DOK5: variants seen among roughly 807,000 people sequenced by gnomAD.
DOK5 encodes the protein downstream of tyrosine kinase 5.
Under a neutral mutation model 43.3 loss-of-function variants are expected in DOK5, and 27 were observed. That is an observed-to-expected ratio of 0.62 (90% CI 0.46 to 0.86). The LOEUF (loss-of-function observed/expected upper bound fraction) is 0.86. Among genes scored for constraint, DOK5 ranks in the 40% least tolerant of loss-of-function variants. The pLI, the probability that DOK5 is intolerant of heterozygous loss-of-function variation, is 0.00. For synonymous variants in DOK5, 146 were observed against 140.1 expected (o/e 1.04, Z -0.30); for missense variants, 373 against 392.9 (o/e 0.95, Z 0.43).
intron 6 of DOK5, among the ~76,000 whole-genome samples, chr20:54,617,630 G>A (rs1986856225): frequency 6.6e-6 from 1 of 152,162 alleles, no homozygotes; most frequent in Non-Finnish European, 1.5e-5. Context: ...CAGCCAGTCT[G>A]TTGACTAAAA....
intron 7 of DOK5, among the ~76,000 whole-genome samples, chr20:54,649,401 G>GA (rs905678980): frequency 1.3e-5 from 2 of 151,356 alleles, no homozygotes; most frequent in Admixed American, 6.6e-5. Context: ...CAGCCGGGGC[G>GA]AAAAAAAATA....
chr20:54,633,672 G>A (rs570119508), intron 6 of DOK5, among the ~76,000 whole-genome samples: 30 of 152,286 alleles, frequency 2.0e-4, no homozygotes, highest in Non-Finnish European at 3.4e-4. Flanking sequence ...ATTACAATAC[G>A]ATTTGCATAT....
chr20:54,599,737 ATTACT>A (rs1179673013), intron 5 of DOK5, among the ~76,000 whole-genome samples: 1 of 152,156 alleles, frequency 6.6e-6, no homozygotes, highest in Non-Finnish European at 1.5e-5. Context: ...GGTGTTTGTG[ATTACT>A]TTATATGAGA....
At chr20:54,505,224 T>C (rs921961995) in intron 1 of DOK5, among the ~76,000 whole-genome samples, 13 of 152,154 alleles carry the variant, frequency 8.5e-5, no homozygotes, top group African/African-American at 2.2e-4. Flanking sequence ...TGGTAAATTA[T>C]GATCCAAAGG....
At chr20:54,561,998 C>T (rs772063244) in intron 2 of DOK5, among the ~76,000 whole-genome samples, 3 of 152,160 alleles carry the variant, frequency 2.0e-5, no homozygotes, top group Non-Finnish European at 2.9e-5. Flanking sequence ...CTTGTGTGCA[C>T]CAGAGTCCTA....
At chr20:54,586,501 G>A (rs1008035766) in intron 2 of DOK5, among the ~76,000 whole-genome samples, 1 of 152,214 alleles carries the variant, frequency 6.6e-6, no homozygotes, top group African/African-American at 2.4e-5. Context: ...TTCTCAATAT[G>A]TGAGGGGTTC....
chr20:54,584,746 T>C (rs181962494), intron 2 of DOK5, among the ~76,000 whole-genome samples: 1 of 146,892 alleles, frequency 6.8e-6, no homozygotes, highest in Non-Finnish European at 1.5e-5. Context: ...TACACTATAA[T>C]ATGTGTGTGT....
At chr20:54,584,340 A>G (rs1367289665) in intron 2 of DOK5, among the ~76,000 whole-genome samples, 2 of 151,634 alleles carry the variant, frequency 1.3e-5, no homozygotes, top group Non-Finnish European at 1.5e-5. Flanking sequence ...TGTCTCTTAT[A>G]GGTATTTCTT....
At chr20:54,493,137 C>T (rs1210712675) in intron 1 of DOK5, among the ~76,000 whole-genome samples, 1 of 151,702 alleles carries the variant, frequency 6.6e-6, no homozygotes, top group African/African-American at 2.4e-5. Context: ...CAAATCTGTT[C>T]CCTTTATGGC....
At chr20:54,635,822 T>C (rs950737427) in intron 6 of DOK5, among the ~76,000 whole-genome samples, 1 of 152,216 alleles carries the variant, frequency 6.6e-6, no homozygotes, top group Non-Finnish European at 1.5e-5. Context: ...CTGATCTATG[T>C]TCTCTCTAGG....
chr20:54,555,305 C>T (rs534635157), intron 2 of DOK5: 2 of 346,476 alleles, frequency 5.8e-6, no homozygotes, highest in Admixed American at 4.0e-5. Flanking sequence ...TTGTTGTACT[C>T]CCTACACTGA....
chr20:54,601,579 G>C (rs1240892555), intron 5 of DOK5, among the ~76,000 whole-genome samples: 6 of 152,174 alleles, frequency 3.9e-5, no homozygotes, highest in Non-Finnish European at 2.9e-5. Flanking sequence ...TCAAGTCCAG[G>C]CAGTAAGTAT....
chr20:54,630,232 A>G lies in DOK5; in HGVS notation c.736-13226A>G, dbSNP rs377718362. Among the ~76,000 whole-genome samples, 38 of 152,218 alleles carry G rather than the reference A, an allele frequency of 2.5e-4. No individual in the cohort carries two copies. In the Middle Eastern group the frequency reaches 0.01, roughly 41 times the overall value. On this transcript the variant is annotated intron_variant, in intron 6 of 7. Coordinates refer to ENST00000262593, the MANE Select transcript of DOK5 (RefSeq NM_018431.5). ...GGTGGTGGTGATGGAGGTGAGGGAA[A>G]GTGGTGGATCCTGGGTATATTTTTG...
chr20:54,646,904 T>TTTC (rs1423713636), intron 7 of DOK5, among the ~76,000 whole-genome samples: 1 of 151,984 alleles, frequency 6.6e-6, no homozygotes, highest in African/African-American at 2.4e-5. Flanking sequence ...TTTTTTTTTT[T>TTTC]TTTCTGGCAA....
intron 1 of DOK5, among the ~76,000 whole-genome samples, chr20:54,497,228 C>A (rs1276562167): frequency 6.6e-6 from 1 of 152,194 alleles, no homozygotes; most frequent in African/African-American, 2.4e-5. Flanking sequence ...ACCTGGATTC[C>A]TGAGCCCTGG....
At chr20:54,515,266 G>A (rs561030933) in intron 1 of DOK5, among the ~76,000 whole-genome samples, 1 of 152,064 alleles carries the variant, frequency 6.6e-6, no homozygotes, top group African/African-American at 2.4e-5. Flanking sequence ...AACCCGCCTC[G>A]GCCTCCCAAA....
In DOK5 at chr20:54,646,248, G is replaced by GTTTTTTTTTTTTTTTTTTTTTTTTTTT. The variant is rs386394048; in HGVS notation, c.856+2694_856+2695insTTTTTTTTTTTTTTTTTTTTTTTTTTT. ...TACTGTTATATCCACTGGTTATACT[G>GTTTTTTTTTTTTTTTTTTTTTTTTTTT]TTTTTTTTTTTTTTTTTTTTTTTTG... is the stretch of plus-strand genomic sequence containing the variant. On this transcript the variant is annotated intron_variant, in intron 7 of 7. Coordinates refer to ENST00000262593, the MANE Select transcript of DOK5 (RefSeq NM_018431.5). Among the ~76,000 whole-genome samples the GTTTTTTTTTTTTTTTTTTTTTTTTTTT allele has an allele frequency of 3.3e-4, 26 of 79,930 alleles. 4 individuals carry two copies. Among genetic ancestry groups the GTTTTTTTTTTTTTTTTTTTTTTTTTTT allele is most frequent in the African/African-American group, 1.1e-3 (20 of 18,994 alleles). 52.4% of individuals were successfully genotyped at this position (79,930 alleles called of 152,430 possible).
intron 6 of DOK5, among the ~76,000 whole-genome samples, chr20:54,642,845 G>A (rs897067553): frequency 2.6e-5 from 4 of 152,220 alleles, no homozygotes; most frequent in Admixed American, 2.0e-4. Context: ...TCAGTGGAGT[G>A]TGTGAAGATC....
chr20:54,561,188 G>A (rs1223983989), intron 2 of DOK5, among the ~76,000 whole-genome samples: 1 of 152,120 alleles, frequency 6.6e-6, no homozygotes, highest in Non-Finnish European at 1.5e-5. Flanking sequence ...TCCCTGAGGT[G>A]GTTCATCTGC....
Sources: gnomAD v4.1 joint callset for allele counts (sites outside exome capture counted in the v4.1 genomes callset) on GRCh38, gnomAD v4.1.1 for gene constraint, MANE v1.5 for transcripts, NCBI Gene and HGNC (gene_info 2026-07-23, HGNC 2026-07-21) for gene names.